SMARCAD1: variants seen among roughly 807,000 people sequenced by gnomAD.
SMARCAD1 encodes SWI/SNF-related matrix-associated actin-dependent regulator of chromatin subfamily A containing DEAD/H box 1.
A neutral mutation model predicts 127.1 loss-of-function variants in SMARCAD1; 25 were observed. The ratio of observed to expected loss-of-function variants is 0.20; its 90% CI spans 0.14 to 0.27. SMARCAD1 has a LOEUF of 0.27. Ranked by LOEUF, SMARCAD1 falls within the 10% of genes least tolerant of loss-of-function variation. The pLI, the probability that SMARCAD1 is intolerant of heterozygous loss-of-function variation, is 1.00. For synonymous variants in SMARCAD1, 400 were observed against 396.9 expected (o/e 1.01, Z -0.09); for missense variants, 807 against 1,206.0 (o/e 0.67, Z 4.90).
rs1350624345 is a variant in SMARCAD1, at chr4:94,274,735, T to C, written c.1673-3T>C. 2.5e-6 allele frequency: 4 copies of C among 1,613,344 alleles called. No individual in the cohort carries two copies. Among genetic ancestry groups the C allele is most frequent in the East Asian group, 2.2e-5 (1 of 44,870 alleles). On this transcript the variant is annotated splice_region_variant and splice_polypyrimidine_tract_variant and intron_variant, in intron 12 of 23. Coordinates refer to ENST00000354268, the MANE Select transcript of SMARCAD1 (RefSeq NM_020159.5). Reference sequence around the variant, plus strand: ...TGCAAATAATGTCTCTTCTGTTCCATAGATAACTGGTTAAGGGAAGTTAAT... The same window carrying C: ...TGCAAATAATGTCTCTTCTGTTCCACAGATAACTGGTTAAGGGAAGTTAAT...
In SMARCAD1 at chr4:94,275,801, T is replaced by TTTTATTTTATTTTATTTA. The variant is rs1279696770; in HGVS notation, c.1809-535_1809-534insATTTTATTTTATTTATTT. 1.8e-3 allele frequency among the ~76,000 whole-genome samples: 102 copies of TTTTATTTTATTTTATTTA among 56,816 alleles called. 1 individual carries two copies. In the Middle Eastern group the frequency reaches 0.024, roughly 13 times the overall value. 37.3% of individuals were successfully genotyped at this position (56,816 alleles called of 152,430 possible). A position where few individuals can be genotyped will look rare whatever the true frequency, so the allele number is the denominator to read the frequency against. Reference sequence around the variant, plus strand: ...GATTGTAACATTAACATTTTCTTTTTTTTTTTTTTTTTTGAGACGGAGTCT... The same window carrying TTTTATTTTATTTTATTTA: ...GATTGTAACATTAACATTTTCTTTTTTTTATTTTATTTTATTTATTTTTTTTTTTTTGAGACGGAGTCT... On this transcript the variant is annotated intron_variant, in intron 14 of 23. Coordinates refer to ENST00000354268, the MANE Select transcript of SMARCAD1 (RefSeq NM_020159.5).
intron 5 of SMARCAD1, among the ~76,000 whole-genome samples, chr4:94,239,047 T>C (rs1179718404): frequency 6.6e-6 from 1 of 152,196 alleles, no homozygotes; most frequent in East Asian, 1.9e-4. Context: ...AAATGTTAAA[T>C]GGCAAATTAC....
At position 94,237,012 on chromosome 4, in the gene SMARCAD1, G is replaced by A; in HGVS notation, c.598G>A (p.Asp200Asn). 1 of 1,613,182 alleles carries A rather than the reference G, an allele frequency of 6.2e-7. No individual in the cohort carries two copies. The change falls in exon 5 of 24, where the codon GAT (aspartate) becomes AAT (asparagine). Residue 200 changes from aspartate (D) to asparagine (N), a missense_variant. Physicochemically the swap from Asp to Asn is conservative, Grantham distance 23. Coordinates refer to ENST00000354268, the MANE Select transcript of SMARCAD1 (RefSeq NM_020159.5). ...AIAAALLMFG[D>N]AGGGPRKRKL... ...TGCTGCTGCCTTGCTGATGTTTGGTGATGCAGGTATGCTTGACTTAATTTT... is the reference window on the plus strand; with the variant it reads ...TGCTGCTGCCTTGCTGATGTTTGGTAATGCAGGTATGCTTGACTTAATTTT...
At chr4:94,276,295 T>C in intron 14 of SMARCAD1, 44 bp from the exon 15 acceptor site, 1 of 1,610,514 alleles carries the variant, frequency 6.2e-7, no homozygotes, top group Non-Finnish European at 8.5e-7. Flanking sequence ...GACTCCAAGC[T>C]CTTAAAGGTA....
At chr4:94,260,729 A>G (rs1321792643) in intron 9 of SMARCAD1, among the ~76,000 whole-genome samples, 2 of 152,224 alleles carry the variant, frequency 1.3e-5, no homozygotes, top group African/African-American at 4.8e-5. Flanking sequence ...GTTGCCGTTC[A>G]TATACAAAAT....
chr4:94,223,981 C>T (rs12643901), intron 2 of SMARCAD1, among the ~76,000 whole-genome samples: 57,661 of 151,774 alleles, frequency 0.38, 11,952 homozygotes, highest in East Asian at 0.72. Flanking sequence ...CAGTAAAGAT[C>T]TAAATTTTTA....
chr4:94,210,929 C>CCAAA (rs1742124530), intron 2 of SMARCAD1, among the ~76,000 whole-genome samples: 1 of 57,048 alleles, frequency 1.8e-5, no homozygotes, highest in African/African-American at 8.3e-5. Flanking sequence ...GACTGTATCT[C>CCAAA]AAAAAAAAAA....
intron 10 of SMARCAD1, among the ~76,000 whole-genome samples, chr4:94,269,631 T>C (rs554531667): frequency 6.6e-6 from 1 of 152,222 alleles, no homozygotes; most frequent in East Asian, 1.9e-4. Flanking sequence ...TAACTGTTAA[T>C]AGTTTTTAAC....
intron 2 of SMARCAD1, among the ~76,000 whole-genome samples, chr4:94,225,594 T>C (rs958611631): frequency 6.6e-6 from 1 of 152,210 alleles, no homozygotes; most frequent in Non-Finnish European, 1.5e-5. Flanking sequence ...GAGTACACAG[T>C]TCAGCCCATA....
At chr4:94,243,330 G>T (rs728989) in intron 6 of SMARCAD1, among the ~76,000 whole-genome samples, 8 of 152,044 alleles carry the variant, frequency 5.3e-5, no homozygotes, top group Non-Finnish European at 7.4e-5. Flanking sequence ...GAGAGTCTGA[G>T]ACATCTGCAC....
In SMARCAD1 at chr4:94,279,184, G is replaced by C. The variant is rs184848566; in HGVS notation, c.2418+134G>C. 1.3e-4 allele frequency: 153 copies of C among 1,158,494 alleles called. No homozygotes were observed. In the East Asian group the frequency reaches 3.8e-3, roughly 29 times the overall value. 71.8% of individuals were successfully genotyped at this position (1,158,494 alleles called of 1,614,324 possible). On this transcript the variant is annotated intron_variant, in intron 19 of 23. Coordinates refer to ENST00000354268, the MANE Select transcript of SMARCAD1 (RefSeq NM_020159.5). ...AGAAAAACTTTTTTTTTTCAGACCA[G>C]GTCTGGTTCTGTTGCCAAGGCAGGC...
intron 2 of SMARCAD1, among the ~76,000 whole-genome samples, chr4:94,222,223 T>G (rs768925362): frequency 6.6e-6 from 1 of 152,238 alleles, no homozygotes; most frequent in African/African-American, 2.4e-5. Context: ...GTTTGGCATA[T>G]TTTGAAATGA....
chr4:94,249,202 C>G (rs1026640076), intron 6 of SMARCAD1, among the ~76,000 whole-genome samples: 1 of 152,034 alleles, frequency 6.6e-6, no homozygotes, highest in Non-Finnish European at 1.5e-5. Context: ...AATATTTAAG[C>G]CATTCTGTGA....
At chr4:94,254,603 A>T (rs1282467244) in intron 9 of SMARCAD1, among the ~76,000 whole-genome samples, 1 of 152,162 alleles carries the variant, frequency 6.6e-6, no homozygotes, top group Non-Finnish European at 1.5e-5. Flanking sequence ...GAGATTATGC[A>T]TTACTTACTT....
At chr4:94,242,217 T>A (rs895839853) in intron 6 of SMARCAD1, among the ~76,000 whole-genome samples, 31 of 151,640 alleles carry the variant, frequency 2.0e-4, no homozygotes, top group East Asian at 1.6e-3. Context: ...GTTTTTTTTT[T>A]AATTTTTTGT....
At position 94,290,448 on chromosome 4, in the gene SMARCAD1, A is replaced by G. The variant is rs553205623; in HGVS notation, c.*914A>G. 143 of 454,536 alleles carry G rather than the reference A, an allele frequency of 3.1e-4. No individual in the cohort carries two copies. Among genetic ancestry groups the G allele is most frequent in the African/African-American group, 3.8e-4 (19 of 50,128 alleles). 28.2% of individuals were successfully genotyped at this position (454,536 alleles called of 1,614,324 possible). ...CTAGCCTGGCAGAACAGATTACTTAAAGCTATTTCATTTCAAAGCAGACTG... is the reference window on the plus strand; with the variant it reads ...CTAGCCTGGCAGAACAGATTACTTAGAGCTATTTCATTTCAAAGCAGACTG... On this transcript the variant is annotated 3_prime_UTR_variant, in exon 24 of 24. Coordinates refer to ENST00000354268, the MANE Select transcript of SMARCAD1 (RefSeq NM_020159.5).
At chr4:94,226,015 G>C (rs1744927567) in intron 2 of SMARCAD1, 104 bp from the exon 3 acceptor site, 9 of 989,766 alleles carry the variant, frequency 9.1e-6, no homozygotes, top group Non-Finnish European at 1.4e-5. Flanking sequence ...TTTTTAGATT[G>C]GAAACAATGA....
chr4:94,253,411 A>G, intron 9 of SMARCAD1: 1 of 1,250,110 alleles, frequency 8.0e-7, no homozygotes, highest in African/African-American at 1.5e-5. Context: ...AACTACTTGA[A>G]GAGCAATAGC....
Position 94,275,057 on chromosome 4 carries a change from G to A in SMARCAD1, c.1808+92G>A, listed in dbSNP as rs1024952005. The A allele has an allele frequency of 8.9e-6, 8 of 899,816 alleles. No homozygotes were observed. In the African/African-American group the frequency reaches 1.3e-4, roughly 15 times the overall value. The allele number at this position is 899,816 out of a possible 1,614,324, so 55.7% of individuals were successfully genotyped here. A position where few individuals can be genotyped will look rare whatever the true frequency, so the allele number is the denominator to read the frequency against. ...AGTAGTACTATGTAGGAAAGTTTAT[G>A]CTGTTAACTGTGATACGAAAGTAAT... On this transcript the variant is annotated intron_variant, in intron 14 of 23. Transcript: ENST00000354268.
Sources: allele counts gnomAD v4.1 joint callset (sites outside exome capture counted in the v4.1 genomes callset), GRCh38; gene constraint gnomAD v4.1.1; transcripts MANE v1.5; gene names NCBI Gene and HGNC (gene_info 2026-07-23, HGNC 2026-07-21).